The following CSMD1 variants were observed in gnomAD, a reference collection of about 807,000 sequenced individuals.
CSMD1 encodes CUB and sushi domain-containing protein 1.
In CSMD1, 213 loss-of-function variants were observed where a neutral mutation model predicts 417.5. The observed-to-expected ratio is 0.51, with a 90% confidence interval of 0.46 to 0.57. CSMD1 has a LOEUF of 0.57. Among genes scored for constraint, CSMD1 ranks in the 20% least tolerant of loss-of-function variants. CSMD1 has a pLI of 0.00. For missense variants in CSMD1, 6,923 were observed against 4,529.7 expected (o/e 1.53, Z -15.17); for synonymous variants, 2,862 against 1,736.8 (o/e 1.65, Z -16.11).
At chr8:4,326,684 A>G (rs553612271) in intron 3 of CSMD1, among the ~76,000 whole-genome samples, 6 of 152,338 alleles carry the variant, frequency 3.9e-5, no homozygotes, top group African/African-American at 1.2e-4. Flanking sequence ...AAAGGTCTGG[A>G]CTCAAGAACA....
chr8:4,143,978 C>T lies in CSMD1; in HGVS notation c.416-111879G>A, dbSNP rs966877684. 1.3e-5 allele frequency among the ~76,000 whole-genome samples: 2 copies of T among 151,350 alleles called. 1 individual carries two copies. The highest frequency in any genetic ancestry group is 4.9e-5 in the African/African-American group (2 of 40,622). On this transcript the variant is annotated intron_variant, in intron 3 of 69. Coordinates refer to ENST00000635120, the MANE Select transcript of CSMD1 (RefSeq NM_033225.6). ...CTTGGCCCATAGCCAATCCAAGGCA[C>T]TCTCCCTTTCCATCTGAGACACGGT...
intron 3 of CSMD1, among the ~76,000 whole-genome samples, chr8:4,039,133 G>A (rs970947425): frequency 2.6e-5 from 4 of 152,178 alleles, no homozygotes; most frequent in African/African-American, 9.7e-5. Flanking sequence ...AGCAACGGCA[G>A]CATTTTCAAC....
chr8:3,934,028 G>A (rs569043656), intron 5 of CSMD1, among the ~76,000 whole-genome samples: 1 of 151,578 alleles, frequency 6.6e-6, no homozygotes, highest in Non-Finnish European at 1.5e-5. Context: ...TCCACAATGA[G>A]TAGGAAGCCA....
chr8:4,826,536 C>T (rs754980080), intron 1 of CSMD1, among the ~76,000 whole-genome samples: 26 of 152,030 alleles, frequency 1.7e-4, no homozygotes, highest in Admixed American at 1.5e-3. Context: ...AATTTTGTTA[C>T]GTGTCTATAA....
chr8:4,679,714 T>A (rs1805917639), intron 1 of CSMD1, among the ~76,000 whole-genome samples: 1 of 152,226 alleles, frequency 6.6e-6, no homozygotes, highest in Non-Finnish European at 1.5e-5. Flanking sequence ...GGATTTTTGC[T>A]GGATTTGAAA....
At chr8:4,547,555 T>C (rs1239190610) in intron 2 of CSMD1, among the ~76,000 whole-genome samples, 1 of 152,206 alleles carries the variant, frequency 6.6e-6, no homozygotes, top group African/African-American at 2.4e-5. Context: ...TGTTCGTAGA[T>C]ACTTGGATAA....
In CSMD1 at chr8:4,799,977, T is replaced by G. The variant is rs999007239; in HGVS notation, c.86-162419A>C. On this transcript the variant is annotated intron_variant, in intron 1 of 69. Coordinates refer to ENST00000635120, the MANE Select transcript of CSMD1 (RefSeq NM_033225.6). ...GCAGACTACACTGATGCTTCTCATTTTTTCTAACATAAGAAAAGTTTGTAA... is the reference window on the plus strand; with the variant it reads ...GCAGACTACACTGATGCTTCTCATTGTTTCTAACATAAGAAAAGTTTGTAA... Among the ~76,000 whole-genome samples the G allele has an allele frequency of 6.0e-5, 9 of 150,938 alleles. No homozygotes were observed. In the East Asian group the frequency reaches 1.6e-3, roughly 28 times the overall value.
intron 8 of CSMD1, among the ~76,000 whole-genome samples, chr8:3,599,830 G>A (rs1451748531): frequency 6.6e-6 from 1 of 152,174 alleles, no homozygotes; most frequent in Non-Finnish European, 1.5e-5. Context: ...TCTGCTGGGA[G>A]CAACAGATCT....
At chr8:3,654,154 G>A (rs1301070543) in intron 7 of CSMD1, among the ~76,000 whole-genome samples, 1 of 152,140 alleles carries the variant, frequency 6.6e-6, no homozygotes, top group Non-Finnish European at 1.5e-5. Flanking sequence ...CACCCTGTGT[G>A]CACACACACA....
intron 3 of CSMD1, among the ~76,000 whole-genome samples, chr8:4,113,154 C>T (rs1801947406): frequency 6.6e-6 from 1 of 152,066 alleles, no homozygotes; most frequent in African/African-American, 2.4e-5. Context: ...CTTACTCTCC[C>T]TCCTCGGGCC....
At chr8:4,263,248 T>C (rs1804007957) in intron 3 of CSMD1, among the ~76,000 whole-genome samples, 1 of 152,112 alleles carries the variant, frequency 6.6e-6, no homozygotes, top group Non-Finnish European at 1.5e-5. Flanking sequence ...TCTAAAAAAA[T>C]CTGTAAGCTG....
intron 7 of CSMD1, among the ~76,000 whole-genome samples, chr8:3,677,206 A>G (rs1271010821): frequency 1.3e-5 from 2 of 152,198 alleles, no homozygotes; most frequent in Admixed American, 1.3e-4. Context: ...ACTTATAGAA[A>G]TACACACAAG....
At chr8:4,353,294 T>C (rs772186021) in intron 3 of CSMD1, among the ~76,000 whole-genome samples, 1 of 151,974 alleles carries the variant, frequency 6.6e-6, no homozygotes, top group South Asian at 2.1e-4. Context: ...AAAGGGGAGT[T>C]TCCTTCACAA....
Position 4,428,080 on chromosome 8 carries a change from C to CA in CSMD1, c.303-8016dup, listed in dbSNP as rs536504126. 2.1e-3 allele frequency among the ~76,000 whole-genome samples: 324 copies of CA among 152,302 alleles called. 3 individuals are homozygous for CA. Among genetic ancestry groups the CA allele is most frequent in the African/African-American group, 7.6e-3 (316 of 41,570 alleles). ...AAGGTTACATGTCTCGTTTTCATAT[C>CA]AGACAATATCAAGAGTGAATGGGAT... On this transcript the variant is annotated intron_variant, in intron 2 of 69. Transcript: ENST00000635120.
intron 3 of CSMD1, among the ~76,000 whole-genome samples, chr8:4,035,452 CA>C (rs1353500268): frequency 3.3e-5 from 5 of 151,392 alleles, no homozygotes; most frequent in Admixed American, 3.3e-4. Flanking sequence ...GGAAGGATTC[CA>C]AAAGGAGGCA....
intron 5 of CSMD1, among the ~76,000 whole-genome samples, chr8:3,771,170 G>T (rs893787432): frequency 2.6e-5 from 4 of 151,922 alleles, no homozygotes; most frequent in African/African-American, 9.7e-5. Context: ...TTATGACTTG[G>T]TGCACTTTGG....
At chr8:4,521,947 A>C (rs1803474963) in intron 2 of CSMD1, among the ~76,000 whole-genome samples, 1 of 152,188 alleles carries the variant, frequency 6.6e-6, no homozygotes, top group Non-Finnish European at 1.5e-5. Context: ...GATCATTATG[A>C]AAGTTCCCAG....
At chr8:3,158,643 A>G (rs1377865566) in intron 38 of CSMD1, among the ~76,000 whole-genome samples, 1 of 151,666 alleles carries the variant, frequency 6.6e-6, no homozygotes, top group African/African-American at 2.4e-5. Flanking sequence ...CTCAATGAAA[A>G]AAAAAACAAA....
intron 3 of CSMD1, among the ~76,000 whole-genome samples, chr8:4,362,631 C>CTA (rs1801837229): frequency 6.6e-6 from 1 of 152,140 alleles, no homozygotes; most frequent in African/African-American, 2.4e-5. Context: ...CACCAGTTTG[C>CTA]TACCCCCTCT....
Sources: gnomAD v4.1 joint callset for allele counts (sites outside exome capture counted in the v4.1 genomes callset) on GRCh38, gnomAD v4.1.1 for gene constraint, MANE v1.5 for transcripts, NCBI Gene and HGNC (gene_info 2026-07-23, HGNC 2026-07-21) for gene names.